Variants in ETV6 observed in about 807,000 individuals in gnomAD.
The protein encoded by ETV6 is transcription factor ETV6.
A neutral mutation model predicts 51.1 loss-of-function variants in ETV6; 16 were observed. That is an observed-to-expected ratio of 0.31 (90% CI 0.21 to 0.48). The LOEUF is 0.48. ETV6 is among the 20% of genes least tolerant of loss of function. The pLI is 0.99. For synonymous variants in ETV6, 240 were observed against 224.1 expected (o/e 1.07, Z -0.64); for missense variants, 458 against 594.8 (o/e 0.77, Z 2.39).
chr12:11,748,667 G>A (rs967264067), intron 1 of ETV6, among the ~76,000 whole-genome samples: 1 of 152,084 alleles, frequency 6.6e-6, no homozygotes, highest in Non-Finnish European at 1.5e-5. Flanking sequence ...TGGGTGTGGG[G>A]GAACGTGGAG....
At chr12:11,745,318 A>G (rs1865887188) in intron 1 of ETV6, among the ~76,000 whole-genome samples, 1 of 152,228 alleles carries the variant, frequency 6.6e-6, no homozygotes, top group African/African-American at 2.4e-5. Flanking sequence ...GTTCAGCCTC[A>G]GCATTAAGTC....
chr12:11,709,609 G>T (rs554040425), intron 1 of ETV6, among the ~76,000 whole-genome samples: 78 of 152,308 alleles, frequency 5.1e-4, no homozygotes, highest in African/African-American at 1.7e-3. Context: ...ACTTAGATGG[G>T]CCACAGTGCT....
chr12:11,895,085 A>G lies in ETV6; in HGVS notation c.*4039A>G. On this transcript the variant is annotated 3_prime_UTR_variant, in exon 8 of 8. Transcript: ENST00000396373. ...ATACTCTTTTGACCCAACTGCATCA[A>G]CACTAAACAGCTGCAGACCCCCTGA... is the stretch of plus-strand genomic sequence containing the variant. 4.3e-6 allele frequency: 1 copy of G among 233,412 alleles called. No individual in the cohort carries two copies. 14.5% of individuals were successfully genotyped at this position (233,412 alleles called of 1,614,324 possible). A position where few individuals can be genotyped will look rare whatever the true frequency, so the allele number is the denominator to read the frequency against.
intron 1 of ETV6, among the ~76,000 whole-genome samples, chr12:11,745,212 A>G (rs1865885550): frequency 1.3e-5 from 2 of 152,206 alleles, no homozygotes; most frequent in African/African-American, 2.4e-5. Flanking sequence ...CAGGGGAGAT[A>G]AGATTGTATA....
chr12:11,661,254 A>G (rs1052314896), intron 1 of ETV6, among the ~76,000 whole-genome samples: 3 of 152,196 alleles, frequency 2.0e-5, no homozygotes, highest in Non-Finnish European at 4.4e-5. Context: ...CGGCCTCCCA[A>G]ACTGCTAGGA....
intron 2 of ETV6, among the ~76,000 whole-genome samples, chr12:11,833,471 TC>T (rs2136455807): frequency 6.6e-6 from 1 of 152,358 alleles, no homozygotes; most frequent in Admixed American, 6.5e-5. Context: ...TGAAACTTTT[TC>T]TTTTTAAAAT....
chr12:11,650,543 G>A (rs1231539341), intron 1 of ETV6, among the ~76,000 whole-genome samples: 2 of 138,214 alleles, frequency 1.4e-5, no homozygotes, highest in Non-Finnish European at 3.1e-5. Flanking sequence ...CACCCAACAT[G>A]TGACTGAAAT....
intron 3 of ETV6, among the ~76,000 whole-genome samples, chr12:11,845,982 A>G (rs1049173740): frequency 2.8e-5 from 4 of 142,756 alleles, no homozygotes; most frequent in African/African-American, 1.0e-4. Flanking sequence ...ACAGAGTGAG[A>G]CTCCGTCTCA....
At chr12:11,864,789 A>T (rs1380891604) in intron 4 of ETV6, among the ~76,000 whole-genome samples, 1 of 152,180 alleles carries the variant, frequency 6.6e-6, no homozygotes, top group East Asian at 1.9e-4. Context: ...GGAAATATCA[A>T]ACCTATACAA....
Position 11,889,246 on chromosome 12 carries a change from G to A in ETV6, c.1254-1695G>A, listed in dbSNP as rs1390744710. Reference sequence around the variant, plus strand: ...AACTGCAGATGCTACAGATCATACTGCTGGAGAAGTTTGCCAGTAATGAGC... The same window carrying A: ...AACTGCAGATGCTACAGATCATACTACTGGAGAAGTTTGCCAGTAATGAGC... On this transcript the variant is annotated intron_variant, in intron 7 of 7. Coordinates refer to ENST00000396373, the MANE Select transcript of ETV6 (RefSeq NM_001987.5). 5.3e-5 allele frequency among the ~76,000 whole-genome samples: 8 copies of A among 152,210 alleles called. No homozygotes were observed. In the East Asian group the frequency reaches 1.5e-3, roughly 29 times the overall value.
chr12:11,832,854 T>C lies in ETV6; in HGVS notation c.164-6286T>C, dbSNP rs55977745. ...CAAAAGGAGTCAATAACTTGATCAGTATCCGTCCAAAAGGAGGTGACTGGT... is the reference window on the plus strand; with the variant it reads ...CAAAAGGAGTCAATAACTTGATCAGCATCCGTCCAAAAGGAGGTGACTGGT... On this transcript the variant is annotated intron_variant, in intron 2 of 7. Transcript: ENST00000396373. Among the ~76,000 whole-genome samples the C allele has an allele frequency of 8.4e-3, 1,278 of 152,334 alleles. 21 individuals are homozygous for C. The highest frequency in any genetic ancestry group is 0.029 in the African/African-American group (1,225 of 41,566).
At chr12:11,757,049 C>T (rs1168494402) in intron 2 of ETV6, among the ~76,000 whole-genome samples, 1 of 152,156 alleles carries the variant, frequency 6.6e-6, no homozygotes, top group Non-Finnish European at 1.5e-5. Flanking sequence ...ACTCATTCAT[C>T]ATATTTAATA....
At chr12:11,726,836 A>G (rs1370414694) in intron 1 of ETV6, among the ~76,000 whole-genome samples, 1 of 152,194 alleles carries the variant, frequency 6.6e-6, no homozygotes. Context: ...AGGCAGAGAA[A>G]TGACTCCTGT....
intron 1 of ETV6, among the ~76,000 whole-genome samples, chr12:11,711,128 G>A (rs1298957364): frequency 1.3e-5 from 2 of 152,208 alleles, no homozygotes; most frequent in African/African-American, 4.8e-5. Context: ...AAATAGCATG[G>A]AAGGTCTTTG....
At chr12:11,679,943 G>A (rs1347739487) in intron 1 of ETV6, among the ~76,000 whole-genome samples, 1 of 152,078 alleles carries the variant, frequency 6.6e-6, no homozygotes, top group African/African-American at 2.4e-5. Flanking sequence ...TTTTAGTTTG[G>A]CATCATGGTC....
chr12:11,743,819 C>T (rs1199833740), intron 1 of ETV6, among the ~76,000 whole-genome samples: 1 of 151,636 alleles, frequency 6.6e-6, no homozygotes, highest in East Asian at 2.0e-4. Flanking sequence ...TTTTACAAGA[C>T]TTCCAGGATA....
chr12:11,786,216 TC>T, intron 2 of ETV6, among the ~76,000 whole-genome samples: 1 of 152,194 alleles, frequency 6.6e-6, no homozygotes, highest in South Asian at 2.1e-4. Context: ...TATGACGCCA[TC>T]ATTTCTGGTC....
At chr12:11,735,875 C>T (rs1865694783) in intron 1 of ETV6, among the ~76,000 whole-genome samples, 1 of 152,232 alleles carries the variant, frequency 6.6e-6, no homozygotes, top group African/African-American at 2.4e-5. Flanking sequence ...GCGGGGATTA[C>T]AGGCGTGAAC....
chr12:11,676,217 G>A (rs1864419064), intron 1 of ETV6, among the ~76,000 whole-genome samples: 1 of 152,148 alleles, frequency 6.6e-6, no homozygotes, highest in South Asian at 2.1e-4. Context: ...ACAGCTTTAT[G>A]CCTTTTTCTT....
Sources: gnomAD v4.1 joint callset for allele counts (sites outside exome capture counted in the v4.1 genomes callset) on GRCh38, gnomAD v4.1.1 for gene constraint, MANE v1.5 for transcripts, NCBI Gene and HGNC (gene_info 2026-07-23, HGNC 2026-07-21) for gene names.